The following GPR162 variants were observed in gnomAD, a reference collection of about 807,000 sequenced individuals.
GPR162 encodes G protein-coupled receptor 162.
Under a neutral mutation model 44.9 loss-of-function variants are expected in GPR162, and 26 were observed. The ratio of observed to expected loss-of-function variants is 0.58; its 90% CI spans 0.42 to 0.80. The LOEUF (loss-of-function observed/expected upper bound fraction) is 0.80. Ranked by LOEUF, GPR162 falls within the 30% of genes least tolerant of loss-of-function variation. GPR162 has a pLI of 0.00. For synonymous variants in GPR162, 363 were observed against 335.2 expected (o/e 1.08, Z -0.91); for missense variants, 704 against 802.3 (o/e 0.88, Z 1.48).
At chr12:6,824,943 G>A (rs1943332709) in intron 2 of GPR162, 178 bp downstream of exon 2, 2 of 711,514 alleles carry the variant, frequency 2.8e-6, no homozygotes, top group African/African-American at 1.7e-5. Flanking sequence ...TTGATCATCT[G>A]TCTTTTAGTT....
Position 6,823,909 on chromosome 12 carries a change from G to T in GPR162, c.11G>T (p.Gly4Val), listed in dbSNP as rs782639670. 7.7e-6 allele frequency: 12 copies of T among 1,561,112 alleles called. No individual in the cohort carries two copies. The South Asian group carries it at 1.3e-4, about 16-fold the overall frequency. MAR[G>V]GAGAEEASLR... ...GGGGCTGAGGATAGGATGGCTCGGG[G>T]CGGGGCGGGGGCAGAGGAGGCCTCC... Residue 4 changes from glycine to valine, a missense_variant, in exon 2 of 5, where the codon GGC (glycine) becomes GTC (valine). Gly to Val is a moderately radical substitution (Grantham distance 109). Transcript: ENST00000311268.
intron 4 of GPR162, 99 bp from the exon 5 acceptor site, chr12:6,826,554 G>A: frequency 8.2e-7 from 1 of 1,215,864 alleles, no homozygotes; most frequent in South Asian, 1.5e-5. Context: ...ACGTTTTGAA[G>A]GTTAAGAAGG....
chr12:6,825,356 C>T (rs1250362683), intron 2 of GPR162, 128 bp from the exon 3 acceptor site: 27 of 630,128 alleles, frequency 4.3e-5, no homozygotes, highest in South Asian at 1.3e-4. Flanking sequence ...CCTCCGGCTT[C>T]GCCTCTGTTG....
chr12:6,823,405 T>A (rs1488176598), intron 1 of GPR162, 63 bp from the exon 2 acceptor site: 2 of 297,034 alleles, frequency 6.7e-6, no homozygotes, highest in African/African-American at 2.2e-5. Context: ...AGGAGGCTGA[T>A]TGGAGACCAG....
At position 6,827,221 on chromosome 12, in the gene GPR162, T is replaced by C. The variant is rs1448540441; in HGVS notation, c.*17T>C. 5 of 1,575,390 alleles carry C rather than the reference T, an allele frequency of 3.2e-6. No homozygotes were observed. The highest frequency in any genetic ancestry group is 3.4e-6 in the Non-Finnish European group (4 of 1,159,992). On this transcript the variant is annotated 3_prime_UTR_variant, in exon 5 of 5. Transcript: ENST00000311268. ...ACCCTGTGAGCCCAAGCAGGCCTGC[T>C]GAACTCAGAGGAGAAAGCCTGAGTG...
Position 6,826,660 on chromosome 12 carries a change from T to C in GPR162, c.1223T>C (p.Leu408Pro). Reference protein sequence around the residue: ...LERVHYLQVPLSRRLSHDETN... With the variant: ...LERVHYLQVPPSRRLSHDETN... ...ACCCGCTCCTCTTCCCAGGTCCCCC[T>C]ATCCCGGCGTCTGTCCCATGATGAG... The change falls in exon 5 of 5, where the codon CTA becomes CCA. Residue 408 changes from leucine (L) to proline (P), a missense_variant. Leu to Pro is a moderately conservative substitution (Grantham distance 98). Transcript: ENST00000311268. 6.6e-7 allele frequency: 1 copy of C among 1,520,346 alleles called. No individual in the cohort carries two copies. The highest frequency in any genetic ancestry group is 2.3e-5 in the East Asian group (1 of 44,048). 94.2% of individuals were successfully genotyped at this position (1,520,346 alleles called of 1,614,324 possible). A position where few individuals can be genotyped will look rare whatever the true frequency, so the allele number is the denominator to read the frequency against.
Position 6,827,167 on chromosome 12 carries a change from GC to G in GPR162, c.1733del (p.Pro578GlnfsTer9). 5 of 1,612,180 alleles carry G rather than the reference GC, an allele frequency of 3.1e-6. No homozygotes were observed. The highest frequency in any genetic ancestry group is 4.2e-6 in the Non-Finnish European group (5 of 1,179,446). ...ESARAWGGSW[G>X]PGNPIFPQLT... ...GCAAGGGCTTGGGGAGGATCCTGGG[GC>G]CCAGGCAACCCCATCTTTCCCCAGC... On this transcript the variant is annotated frameshift_variant, in exon 5 of 5. Coordinates refer to ENST00000311268, the MANE Select transcript of GPR162 (RefSeq NM_019858.2). LOFTEE classifies it high-confidence loss of function.
chr12:6,827,361 C>T lies in GPR162; in HGVS notation c.*157C>T, dbSNP rs782129719. ...CTCTCCCATCCAAGTGACCAGATGC[C>T]CTACTCAGCTTCCATCACCCCTAGC... On this transcript the variant is annotated 3_prime_UTR_variant, in exon 5 of 5. Transcript: ENST00000311268. 2.9e-5 allele frequency: 18 copies of T among 622,482 alleles called. No individual in the cohort carries two copies. The highest frequency in any genetic ancestry group is 2.4e-4 in the South Asian group (12 of 50,274). The allele number at this position is 622,482 out of a possible 1,614,324, so 38.6% of individuals were successfully genotyped here.
intron 4 of GPR162, 78 bp downstream of exon 4, chr12:6,826,431 CCCCTCTT>C: frequency 2.2e-6 from 3 of 1,364,714 alleles, no homozygotes; most frequent in Non-Finnish European, 3.0e-6. Flanking sequence ...GCACCCCAAT[CCCCTCTT>C]CCCTAGCCCT....
In GPR162 at chr12:6,824,274, C is replaced by T. The variant is rs782442390; in HGVS notation, c.376C>T (p.Arg126Cys). 3 of 1,613,938 alleles carry T rather than the reference C, an allele frequency of 1.9e-6. No individual in the cohort carries two copies. Among genetic ancestry groups the T allele is most frequent in the South Asian group, 1.1e-5 (1 of 91,090 alleles). ...MWMVRWPVNY[R>C]LSNAKKQALH... is the part of the protein sequence containing the mutation. ...GATGGTGCGCTGGCCCGTCAACTAC[C>T]GCCTCAGCAACGCCAAGAAGCAGGC... Residue 126 changes from arginine (R) to cysteine (C), a missense_variant, in exon 2 of 5, where the codon CGC becomes TGC. Physicochemically the swap from Arg to Cys is radical, Grantham distance 180. Coordinates refer to ENST00000311268, the MANE Select transcript of GPR162 (RefSeq NM_019858.2).
intron 2 of GPR162, 58 bp downstream of exon 2, chr12:6,824,823 C>A (rs782462169): frequency 1.5e-6 from 2 of 1,378,694 alleles, no homozygotes; most frequent in South Asian, 1.2e-5. Context: ...AGCATCATCA[C>A]CTGACCTCCA....
intron 3 of GPR162, 99 bp from the exon 4 acceptor site, chr12:6,826,097 T>C: frequency 1.1e-6 from 1 of 869,680 alleles, no homozygotes; most frequent in East Asian, 2.4e-5. Context: ...TACATGCTAA[T>C]GGGAACTAAA....
Position 6,827,339 on chromosome 12 carries a change from TC to T in GPR162, c.*138del. ...TTGGGGCTCAGAAGGCCCTGCTCTC[TC>T]CCATCCAAGTGACCAGATGCCCTAC... On this transcript the variant is annotated 3_prime_UTR_variant, in exon 5 of 5. Transcript: ENST00000311268. The T allele has an allele frequency of 1.5e-6, 1 of 681,824 alleles. No homozygotes were observed. Among genetic ancestry groups the T allele is most frequent in the Non-Finnish European group, 2.5e-6 (1 of 406,954 alleles). The allele number at this position is 681,824 out of a possible 1,614,324, so 42.2% of individuals were successfully genotyped here.
Position 6,826,824 on chromosome 12 carries a change from G to A in GPR162, c.1387G>A (p.Glu463Lys). 6.2e-7 allele frequency: 1 copy of A among 1,603,356 alleles called. No homozygotes were observed. The highest frequency in any genetic ancestry group is 8.5e-7 in the Non-Finnish European group (1 of 1,173,010). Residue 463 changes from glutamate (E) to lysine (K), a missense_variant, in exon 5 of 5, where the codon GAG becomes AAG. Physicochemically the swap from Glu to Lys is moderately conservative, Grantham distance 56. Transcript: ENST00000311268. ...GTACCTGGGACAAAGACACAGGTTG[G>A]AGGACGAGGAGGACGAGGAAGAGGC... ...PEYLGQRHRL[E>K]DEEDEEEAEG...
rs1022842969 is a variant in GPR162 at position 6,823,785 on chromosome 12, C to T, written c.-114C>T. On this transcript the variant is annotated 5_prime_UTR_variant, in exon 2 of 5. Coordinates refer to ENST00000311268, the MANE Select transcript of GPR162 (RefSeq NM_019858.2). ...TGGGGTGAGCCTGGGGGCAGCCTGC[C>T]TGCTGACAGGGCGAGGATTGTGGGG... 3 of 1,612,954 alleles carry T rather than the reference C, an allele frequency of 1.9e-6. No homozygotes were observed. The highest frequency in any genetic ancestry group is 1.7e-4 in the Middle Eastern group (1 of 6,058).
Position 6,823,613 on chromosome 12 carries a change from C to A in GPR162, c.-286C>A. 1 of 641,064 alleles carries A rather than the reference C, an allele frequency of 1.6e-6. No individual in the cohort carries two copies. The highest frequency in any genetic ancestry group is 2.6e-6 in the Non-Finnish European group (1 of 383,016). The allele number at this position is 641,064 out of a possible 1,614,324, so 39.7% of individuals were successfully genotyped here. ...GCCAGCCTCATAGTTGGGAAAGTAG[C>A]CAGCTTGCCTGCCCCATCAATTGCA... On this transcript the variant is annotated 5_prime_UTR_variant, in exon 2 of 5. Coordinates refer to ENST00000311268, the MANE Select transcript of GPR162 (RefSeq NM_019858.2).
At position 6,822,864 on chromosome 12, in the gene GPR162, T is replaced by C. The variant is rs1943088207; in HGVS notation, c.-431-604T>C. On this transcript the variant is annotated intron_variant, in intron 1 of 4. Transcript: ENST00000311268. The surrounding 1 kb of genome is among the most constrained non-coding windows in gnomAD (Gnocchi z 4.2). ...CCTCCTTCTCCCTAGTTCCCCCTCT[T>C]TCCATTTCTGGATGCTTCTGATGTC... 6.6e-6 allele frequency among the ~76,000 whole-genome samples: 1 copy of C among 152,204 alleles called. No individual in the cohort carries two copies. The highest frequency in any genetic ancestry group is 2.4e-5 in the African/African-American group (1 of 41,456).
rs147854198 is a variant in GPR162 at position 6,826,777 on chromosome 12, G to A, written c.1340G>A (p.Arg447Gln). The change falls in exon 5 of 5, where the codon CGG becomes CAG. Residue 447 changes from arginine to glutamine, a missense_variant. Physicochemically the swap from Arg to Gln is conservative, Grantham distance 43 (BLOSUM62 1). Around this residue, in one of 6 missense-constraint regions of GPR162, gnomAD observed 404 missense variants for 314.1 expected, o/e 1.29. Transcript: ENST00000311268. ...ATCCGGGTCCTCCCAGCCCAGAGCC[G>A]GGCCCTCGGGGGTCCTCCTGAGTAC... ...DDIRVLPAQS[R>Q]ALGGPPEYLG... 439 of 1,608,672 alleles carry A rather than the reference G, an allele frequency of 2.7e-4. 1 individual carries two copies. Among genetic ancestry groups the A allele is most frequent in the Non-Finnish European group, 2.9e-4 (343 of 1,177,340 alleles).
In GPR162 at chr12:6,823,495, C is replaced by G; in HGVS notation, c.-404C>G. The G allele has an allele frequency of 2.1e-6, 1 of 470,428 alleles. No individual in the cohort carries two copies. The highest frequency in any genetic ancestry group is 2.0e-5 in the African/African-American group (1 of 50,868). The allele number at this position is 470,428 out of a possible 1,614,324, so 29.1% of individuals were successfully genotyped here. On this transcript the variant is annotated 5_prime_UTR_variant, in exon 2 of 5. Coordinates refer to ENST00000311268, the MANE Select transcript of GPR162 (RefSeq NM_019858.2). Reference sequence around the variant, plus strand: ...TGTCCAGGGGGCTGAGCCCCACCCCCAAATCCCTGGGGCATCCAGAAGATT... The same window carrying G: ...TGTCCAGGGGGCTGAGCCCCACCCCGAAATCCCTGGGGCATCCAGAAGATT...
Sources: gnomAD v4.1 joint callset for allele counts (sites outside exome capture counted in the v4.1 genomes callset) on GRCh38, gnomAD v4.1.1 for gene constraint, gnomAD v4.1.1 regional missense constraint, Gnocchi (gnomAD v3.1) non-coding constraint, MANE v1.5 for transcripts, NCBI Gene and HGNC (gene_info 2026-07-23, HGNC 2026-07-21) for gene names.